The following SPINK4 variants were observed in gnomAD, a reference collection of about 807,000 sequenced individuals.
SPINK4 encodes the protein serine protease inhibitor Kazal-type 4.
In SPINK4, 10 loss-of-function variants were observed where a neutral mutation model predicts 12.3. That is an observed-to-expected ratio of 0.81 (90% confidence interval 0.50 to 1.37). SPINK4 has a LOEUF of 1.37. Ranked by LOEUF, SPINK4 falls within the 40% of genes most tolerant of loss-of-function variation. The probability of loss-of-function intolerance (pLI) is 0.00; values close to 1 mark genes in which losing one functional copy is unlikely to be tolerated. For synonymous variants in SPINK4, 37 were observed against 40.2 expected (o/e 0.92, Z 0.30); for missense variants, 91 against 109.0 (o/e 0.84, Z 0.73).
chr9:33,242,725 A>AT (rs1820249531), intron 1 of SPINK4, among the ~76,000 whole-genome samples: 1 of 152,186 alleles, frequency 6.6e-6, no homozygotes, highest in Non-Finnish European at 1.5e-5. Flanking sequence ...AATCTTGACA[A>AT]TGTATACACT....
Position 33,246,737 on chromosome 9 carries a change from G to T in SPINK4, c.215+9G>T. The T allele has an allele frequency of 3.1e-6, 5 of 1,613,166 alleles. No individual in the cohort carries two copies. Among genetic ancestry groups the T allele is most frequent in the Non-Finnish European group, 4.2e-6 (5 of 1,179,354 alleles). Reference sequence around the variant, plus strand: ...CTCTGCTTGGCCCGGATGTAAGTCTGCCCCACAACCCCTGCTTGCTTGGGT... The same window carrying T: ...CTCTGCTTGGCCCGGATGTAAGTCTTCCCCACAACCCCTGCTTGCTTGGGT... On this transcript the variant is annotated intron_variant, in intron 3 of 3. Transcript: ENST00000379721.
At chr9:33,241,943 G>A (rs532685726) in intron 1 of SPINK4, among the ~76,000 whole-genome samples, 5 of 151,928 alleles carry the variant, frequency 3.3e-5, no homozygotes, top group South Asian at 2.1e-4. Flanking sequence ...GCAGTGGCAC[G>A]ATCTTGGCTC....
intron 1 of SPINK4, among the ~76,000 whole-genome samples, chr9:33,244,478 C>T (rs1820267403): frequency 6.6e-6 from 1 of 152,194 alleles, no homozygotes; most frequent in Non-Finnish European, 1.5e-5. Flanking sequence ...ACAACAGAGG[C>T]TTCAGATGAT....
At chr9:33,246,983 AG>A (rs978703654) in intron 3 of SPINK4, among the ~76,000 whole-genome samples, 3 of 152,048 alleles carry the variant, frequency 2.0e-5, no homozygotes, top group Non-Finnish European at 4.4e-5. Context: ...TTGATTGACT[AG>A]GTGACCTCAT....
intron 1 of SPINK4, among the ~76,000 whole-genome samples, chr9:33,244,107 T>C (rs1820263726): frequency 6.6e-6 from 1 of 152,196 alleles, no homozygotes; most frequent in Non-Finnish European, 1.5e-5. Flanking sequence ...CCTTCTCTAA[T>C]TTACATAAAC....
At chr9:33,242,230 A>G (rs149822122) in intron 1 of SPINK4, among the ~76,000 whole-genome samples, 447 of 152,344 alleles carry the variant, frequency 2.9e-3, no homozygotes, top group African/African-American at 0.01. Context: ...AAAGGCAGAC[A>G]TAAAGGAACC....
intron 1 of SPINK4, among the ~76,000 whole-genome samples, chr9:33,242,124 C>T (rs376511606): frequency 7.1e-4 from 108 of 152,268 alleles, no homozygotes; most frequent in African/African-American, 2.4e-3. Context: ...AAGATTTGCC[C>T]GCCTCGGCTT....
intron 1 of SPINK4, 44 bp from the exon 2 acceptor site, chr9:33,245,068 G>A (rs767648765): frequency 1.9e-6 from 3 of 1,605,618 alleles, no homozygotes; most frequent in Non-Finnish European, 2.6e-6. Context: ...TAGACCTGGG[G>A]TCTAGAGCCG....
At position 33,244,118 on chromosome 9, in the gene SPINK4, G is replaced by A. The variant is rs147176557; in HGVS notation, c.62-994G>A. ...CTGCCCTTCTCTAATTTACATAAAC[G>A]CCCTTCCTTCCACCTGTGCCATTAG... On this transcript the variant is annotated intron_variant, in intron 1 of 3. Coordinates refer to ENST00000379721, the MANE Select transcript of SPINK4 (RefSeq NM_014471.3). Among the ~76,000 whole-genome samples, 62 of 152,150 alleles carry A rather than the reference G, an allele frequency of 4.1e-4. 1 individual carries two copies. Among genetic ancestry groups the A allele is most frequent in the African/African-American group, 1.4e-3 (59 of 41,516 alleles).
intron 3 of SPINK4, 100 bp from the exon 4 acceptor site, chr9:33,248,326 C>T (rs1192200426): frequency 2.1e-5 from 26 of 1,249,096 alleles, no homozygotes; most frequent in Admixed American, 7.5e-5. Flanking sequence ...CATATGTGGG[C>T]GACGCTCAGC....
intron 2 of SPINK4, among the ~76,000 whole-genome samples, chr9:33,245,811 A>G (rs1202131090): frequency 2.6e-5 from 4 of 152,326 alleles, no homozygotes; most frequent in South Asian, 4.1e-4. Context: ...GTTTACATAC[A>G]TTATTTCAAT....
chr9:33,246,687 G>T lies in SPINK4; in HGVS notation c.174G>T (p.Gly58=). The T allele has an allele frequency of 1.2e-6, 2 of 1,614,006 alleles. No individual in the cohort carries two copies. Among genetic ancestry groups the T allele is most frequent in the Non-Finnish European group, 8.5e-7 (1 of 1,180,006 alleles). The change falls in exon 3 of 4, where the codon GGG becomes GGT. Residue 58 remains glycine (G), a synonymous_variant. Transcript: ENST00000379721. ...CCAACCTGGTCTGCGGCACTGATGGGCTCACATATACGAATGAATGCCAGC... is the reference window on the plus strand; with the variant it reads ...CCAACCTGGTCTGCGGCACTGATGGTCTCACATATACGAATGAATGCCAGC... ...QMSNLVCGTD[G]LTYTNECQLC... is the part of the protein sequence containing the mutation.
chr9:33,242,220 A>C (rs1374884453), intron 1 of SPINK4, among the ~76,000 whole-genome samples: 1 of 152,178 alleles, frequency 6.6e-6, no homozygotes, highest in African/African-American at 2.4e-5. Context: ...AGTGCTGCGC[A>C]AAGGCAGACA....
rs764913064 is a variant in SPINK4 at position 33,246,706 on chromosome 9, T to C, written c.193T>C (p.Cys65Arg). The change falls in exon 3 of 4, where the codon TGC (cysteine) becomes CGC (arginine). Residue 65 changes from cysteine to arginine, a missense_variant. By Grantham distance (180) the Cys-to-Arg change is radical. Transcript: ENST00000379721. ...GTDGLTYTNE[C>R]QLCLARIKTK... is the part of the protein sequence containing the mutation. ...TGATGGGCTCACATATACGAATGAA[T>C]GCCAGCTCTGCTTGGCCCGGATGTA... 2.5e-6 allele frequency: 4 copies of C among 1,613,912 alleles called. No homozygotes were observed. In the Admixed American group the frequency reaches 6.7e-5, roughly 27 times the overall value.
At chr9:33,243,215 A>G (rs1444848429) in intron 1 of SPINK4, among the ~76,000 whole-genome samples, 1 of 152,094 alleles carries the variant, frequency 6.6e-6, no homozygotes, top group Non-Finnish European at 1.5e-5. Context: ...CTGGGATTAT[A>G]GGTGTGCACC....
chr9:33,247,924 G>A (rs1820302301), intron 3 of SPINK4: 1 of 158,134 alleles, frequency 6.3e-6, no homozygotes, highest in African/African-American at 2.4e-5. Flanking sequence ...TGGTTAGGAG[G>A]TACATTGGGA....
At chr9:33,246,545 G>T in intron 2 of SPINK4, 71 bp from the exon 3 acceptor site, 1 of 1,395,778 alleles carries the variant, frequency 7.2e-7, no homozygotes, top group Non-Finnish European at 1.0e-6. Flanking sequence ...CACTGGTTCC[G>T]AGCAGAACCC....
chr9:33,240,940 G>C (rs1289773993), intron 1 of SPINK4, among the ~76,000 whole-genome samples: 1 of 152,192 alleles, frequency 6.6e-6, no homozygotes, highest in Non-Finnish European at 1.5e-5. Context: ...CAATAAACAA[G>C]ATGGTTACAA....
intron 1 of SPINK4, among the ~76,000 whole-genome samples, chr9:33,242,603 G>A (rs1820248513): frequency 1.3e-5 from 2 of 152,124 alleles, no homozygotes. Context: ...AGGTCCATAG[G>A]GAGGCTTAGT....
Sources: gnomAD v4.1 joint callset for allele counts (sites outside exome capture counted in the v4.1 genomes callset) on GRCh38, gnomAD v4.1.1 for gene constraint, MANE v1.5 for transcripts, NCBI Gene and HGNC (gene_info 2026-07-23, HGNC 2026-07-21) for gene names.